CSMD1: variants seen among roughly 807,000 people sequenced by gnomAD.
The protein encoded by CSMD1 is CUB and sushi domain-containing protein 1.
CSMD1 carries 213 observed loss-of-function variants against 417.5 expected under a neutral mutation model. The ratio of observed to expected loss-of-function variants is 0.51; its 90% CI spans 0.46 to 0.57. The LOEUF (loss-of-function observed/expected upper bound fraction) is 0.57. CSMD1 is among the 20% of genes least tolerant of loss of function. The pLI is 0.00. For synonymous variants in CSMD1, 2,862 were observed against 1,736.8 expected, an observed-to-expected ratio of 1.65 and a Z score of -16.11; for missense variants, 6,923 against 4,529.7, an observed-to-expected ratio of 1.53 and a Z score of -15.17.
intron 3 of CSMD1, among the ~76,000 whole-genome samples, chr8:4,307,828 G>T (rs1409051011): frequency 3.3e-5 from 5 of 152,162 alleles, no homozygotes; most frequent in African/African-American, 9.7e-5. Flanking sequence ...ATAATATGAT[G>T]ATTTAACTGT....
chr8:4,155,927 C>T (rs796586627), intron 3 of CSMD1, among the ~76,000 whole-genome samples: 8 of 152,292 alleles, frequency 5.3e-5, no homozygotes, highest in African/African-American at 1.9e-4. Context: ...GAGGAATGCA[C>T]AGCCCAGGTG....
intron 1 of CSMD1, among the ~76,000 whole-genome samples, chr8:4,899,789 A>G (rs1323841061): frequency 6.6e-6 from 1 of 152,176 alleles, no homozygotes; most frequent in East Asian, 1.9e-4. Flanking sequence ...CCAAGAGGAT[A>G]CAAGCACAGA....
chr8:3,801,138 T>G (rs1800434349), intron 5 of CSMD1, among the ~76,000 whole-genome samples: 1 of 151,622 alleles, frequency 6.6e-6, no homozygotes, highest in Non-Finnish European at 1.5e-5. Context: ...CATTAAAAAT[T>G]TTTCTGCTGC....
At chr8:3,561,447 A>G (rs1799462557) in intron 10 of CSMD1, among the ~76,000 whole-genome samples, 1 of 137,422 alleles carries the variant, frequency 7.3e-6, no homozygotes, top group Non-Finnish European at 1.6e-5. Context: ...GATACCACAC[A>G]ATCATAAAAT....
At chr8:4,715,955 A>G (rs1336029050) in intron 1 of CSMD1, among the ~76,000 whole-genome samples, 4 of 152,146 alleles carry the variant, frequency 2.6e-5, no homozygotes, top group Non-Finnish European at 5.9e-5. Context: ...GTCTTCGTTA[A>G]ATGTGTATCA....
At position 4,266,033 on chromosome 8, in the gene CSMD1, G is replaced by C. The variant is rs1407832856; in HGVS notation, c.415+153920C>G. ...TCCCAAACCGGCCCACCGCACTCAG[G>C]CTCGCCCGGCATATTAGCTGATACT... is the stretch of plus-strand genomic sequence containing the variant. On this transcript the variant is annotated intron_variant, in intron 3 of 69. Transcript: ENST00000635120. Among the ~76,000 whole-genome samples the C allele has an allele frequency of 1.9e-5, 2 of 103,564 alleles. 1 individual carries two copies. The highest frequency in any genetic ancestry group is 1.8e-4 in the Admixed American group (2 of 10,836). 67.9% of individuals were successfully genotyped at this position (103,564 alleles called of 152,430 possible).
chr8:3,497,288 C>A (rs1796406377), intron 10 of CSMD1, among the ~76,000 whole-genome samples: 1 of 152,176 alleles, frequency 6.6e-6, no homozygotes, highest in Non-Finnish European at 1.5e-5. Context: ...CTATCTCTCC[C>A]ATCAATAATG....
At chr8:3,841,504 G>A (rs1466244707) in intron 5 of CSMD1, among the ~76,000 whole-genome samples, 3 of 152,070 alleles carry the variant, frequency 2.0e-5, no homozygotes, top group Non-Finnish European at 2.9e-5. Context: ...GCTCTTCTAT[G>A]ATTTGTGGGG....
At chr8:3,112,102 T>C (rs1563055845) in intron 42 of CSMD1, among the ~76,000 whole-genome samples, 1 of 151,954 alleles carries the variant, frequency 6.6e-6, no homozygotes, top group South Asian at 2.1e-4. Context: ...TGTCAGCCTC[T>C]AGCAGACAGG....
chr8:4,004,583 T>C (rs1268282433), intron 4 of CSMD1, among the ~76,000 whole-genome samples: 3 of 152,160 alleles, frequency 2.0e-5, no homozygotes, highest in Non-Finnish European at 2.9e-5. Context: ...AAAACATATT[T>C]ATTTGGGATT....
At chr8:4,062,267 C>A (rs1469583544) in intron 3 of CSMD1, among the ~76,000 whole-genome samples, 2 of 152,012 alleles carry the variant, frequency 1.3e-5, no homozygotes, top group African/African-American at 4.8e-5. Context: ...ATAAATGCTG[C>A]AATAAAACCA....
At chr8:4,181,954 C>CTGTGTG (rs1214294145) in intron 3 of CSMD1, among the ~76,000 whole-genome samples, 3 of 23,966 alleles carry the variant, frequency 1.3e-4, no homozygotes, top group African/African-American at 2.2e-4. Flanking sequence ...TTGTCTGTGT[C>CTGTGTG]TGCGTGTGTG....
chr8:2,960,939 G>GAGATATATAT (rs368123437), intron 62 of CSMD1, among the ~76,000 whole-genome samples: 1 of 122,040 alleles, frequency 8.2e-6, no homozygotes, highest in Admixed American at 8.9e-5. Context: ...TAGTAAGCAA[G>GAGATATATAT]ATATATATAT....
intron 5 of CSMD1, among the ~76,000 whole-genome samples, chr8:3,869,435 G>A (rs1001027202): frequency 1.3e-5 from 2 of 152,008 alleles, no homozygotes; most frequent in Non-Finnish European, 2.9e-5. Flanking sequence ...ATCCTGTCCT[G>A]CCTTCATAAA....
Position 4,112,986 on chromosome 8 carries a change from T to C in CSMD1, c.416-80887A>G, listed in dbSNP as rs547163356. On this transcript the variant is annotated intron_variant, in intron 3 of 69. Transcript: ENST00000635120. ...ATTCTTTCAATATTTCAAAAGTTGT[T>C]GTTATTATATCTGTTATGGTAATCA... Among the ~76,000 whole-genome samples, 6 of 152,308 alleles carry C rather than the reference T, an allele frequency of 3.9e-5. No homozygotes were observed. In the South Asian group the frequency reaches 1.2e-3, roughly 32 times the overall value.
intron 3 of CSMD1, among the ~76,000 whole-genome samples, chr8:4,046,190 G>A (rs763823001): frequency 3.9e-5 from 6 of 151,976 alleles, no homozygotes; most frequent in Non-Finnish European, 5.9e-5. Context: ...GTATGTGTGC[G>A]TGTGTGTGTA....
At chr8:3,230,901 T>C (rs1363942801) in intron 26 of CSMD1, among the ~76,000 whole-genome samples, 1 of 152,196 alleles carries the variant, frequency 6.6e-6, no homozygotes, top group Non-Finnish European at 1.5e-5. Flanking sequence ...TCAAATCTGC[T>C]GAGTAGAGGC....
intron 3 of CSMD1, among the ~76,000 whole-genome samples, chr8:4,070,444 G>A (rs2552120): frequency 0.16 from 24,049 of 151,650 alleles, 2,032 homozygotes; most frequent in South Asian, 0.37. Context: ...TGCAAGCTCC[G>A]CCTCCCGGGT....
intron 6 of CSMD1, among the ~76,000 whole-genome samples, chr8:3,720,039 G>A (rs769726339): frequency 6.6e-6 from 1 of 152,140 alleles, no homozygotes; most frequent in Non-Finnish European, 1.5e-5. Flanking sequence ...TAGCCTGTGT[G>A]GTTACACAAA....
Sources: gnomAD v4.1 joint callset for allele counts (sites outside exome capture counted in the v4.1 genomes callset) on GRCh38, gnomAD v4.1.1 for gene constraint, MANE v1.5 for transcripts, NCBI Gene and HGNC (gene_info 2026-07-23, HGNC 2026-07-21) for gene names.